Variants in ROPN1 observed in about 807,000 individuals in gnomAD.
ROPN1 encodes the protein ropporin-1A.
ROPN1 carries 14 observed loss-of-function variants against 20.5 expected under a neutral mutation model. The observed-to-expected ratio is 0.68, with a 90% confidence interval of 0.45 to 1.07. The LOEUF (loss-of-function observed/expected upper bound fraction) is 1.07, where lower values mean the gene tolerates loss of function less well. Among genes scored for constraint, ROPN1 ranks in the 50% least tolerant of loss-of-function variants. ROPN1 has a pLI of 0.00. For missense variants in ROPN1, 169 were observed against 242.8 expected, an observed-to-expected ratio of 0.70 and a Z score of 2.02; for synonymous variants, 76 against 95.7, an observed-to-expected ratio of 0.79 and a Z score of 1.20.
chr3:123,990,707 C>CGTATA (rs1354397405), intron 1 of ROPN1, among the ~76,000 whole-genome samples: 3 of 151,534 alleles, frequency 2.0e-5, no homozygotes, highest in Admixed American at 2.0e-4. Context: ...TTCAATTATA[C>CGTATA]ATTCCAGAGC....
chr3:123,980,003 C>T (rs1307050905), intron 2 of ROPN1: 1 of 482,670 alleles, frequency 2.1e-6, no homozygotes, highest in Non-Finnish European at 3.7e-6. Context: ...GCAGATTAAG[C>T]TTCGGAGATT....
chr3:123,981,752 C>T (rs1331533080), intron 1 of ROPN1, among the ~76,000 whole-genome samples: 1 of 152,064 alleles, frequency 6.6e-6, no homozygotes, highest in Non-Finnish European at 1.5e-5. Flanking sequence ...GACTTCATGA[C>T]CTTTTACTTT....
chr3:123,984,703 C>A (rs1487491892), intron 1 of ROPN1, among the ~76,000 whole-genome samples: 1 of 152,154 alleles, frequency 6.6e-6, no homozygotes, highest in Non-Finnish European at 1.5e-5. Flanking sequence ...TTCCGCTACT[C>A]TTTACCAACA....
chr3:123,976,989 A>G lies in ROPN1; in HGVS notation c.117-8T>C. The G allele has an allele frequency of 6.2e-7, 1 of 1,606,990 alleles. No individual in the cohort carries two copies. The highest frequency in any genetic ancestry group is 8.5e-7 in the Non-Finnish European group (1 of 1,176,876). On this transcript the variant is annotated splice_region_variant and splice_polypyrimidine_tract_variant and intron_variant, in intron 2 of 5. Transcript: ENST00000405845. ...GACAGGGCCTCAAAATAACTACAAG[A>G]AAAAAAGTCAGAGAGTAGGAGGATC...
intron 4 of ROPN1, among the ~76,000 whole-genome samples, chr3:123,971,731 C>A (rs1342258991): frequency 1.3e-5 from 2 of 152,054 alleles, no homozygotes; most frequent in African/African-American, 4.8e-5. Context: ...CACAGCTCAC[C>A]CTGTTTCTGT....
At chr3:123,988,965 A>G (rs1340670425) in intron 1 of ROPN1, among the ~76,000 whole-genome samples, 2 of 152,114 alleles carry the variant, frequency 1.3e-5, no homozygotes, top group Non-Finnish European at 2.9e-5. Flanking sequence ...TGCAGGTATT[A>G]GAAGGAGGTC....
chr3:123,978,739 C>T (rs2038074726), intron 2 of ROPN1: 1 of 152,500 alleles, frequency 6.6e-6, no homozygotes, highest in African/African-American at 2.4e-5. Context: ...AAGTAAGTCA[C>T]ATACAACCAT....
chr3:123,977,642 G>A (rs1234704782), intron 2 of ROPN1, among the ~76,000 whole-genome samples: 1 of 152,236 alleles, frequency 6.6e-6, no homozygotes, highest in Admixed American at 6.5e-5. Context: ...GCTTCAAGAG[G>A]GAAGGGAGAG....
chr3:123,987,521 A>G lies in ROPN1; in HGVS notation c.-13+4401T>C, dbSNP rs181904099. On this transcript the variant is annotated intron_variant, in intron 1 of 5. Transcript: ENST00000405845. ...TTCTTAACCACTCATGTTTTTACAT[A>G]ACTCTGAAAAACGTTTAATGGATCT... 6.3e-4 allele frequency among the ~76,000 whole-genome samples: 96 copies of G among 152,364 alleles called. 1 individual carries two copies. The East Asian group carries it at 0.01, about 16-fold the overall frequency.
chr3:123,978,821 T>C (rs541992025), intron 2 of ROPN1: 41 of 153,406 alleles, frequency 2.7e-4, no homozygotes, highest in Admixed American at 1.8e-3. Context: ...TTCATTGTGG[T>C]TAAACTACAA....
intron 1 of ROPN1, among the ~76,000 whole-genome samples, chr3:123,983,814 A>G (rs2148999522): frequency 6.6e-6 from 1 of 152,306 alleles, no homozygotes; most frequent in Middle Eastern, 3.4e-3. Context: ...ATTTTTCTCA[A>G]GTAATCCTCA....
chr3:123,989,349 T>C (rs1364305734), intron 1 of ROPN1, among the ~76,000 whole-genome samples: 2 of 152,184 alleles, frequency 1.3e-5, no homozygotes, highest in East Asian at 1.9e-4. Flanking sequence ...ACAATCAGTG[T>C]TAGCTTTAGG....
chr3:123,973,576 A>G (rs1271802274), intron 4 of ROPN1, among the ~76,000 whole-genome samples: 1 of 151,722 alleles, frequency 6.6e-6, no homozygotes, highest in Non-Finnish European at 1.5e-5. Context: ...GGTACATCAG[A>G]GGAAACCTAG....
At chr3:123,971,059 G>GAC (rs779633923) in intron 4 of ROPN1, among the ~76,000 whole-genome samples, 6 of 152,280 alleles carry the variant, frequency 3.9e-5, no homozygotes, top group Non-Finnish European at 5.9e-5. Context: ...GGATCATCCT[G>GAC]ACACTCTTCC....
At position 123,980,418 on chromosome 3, in the gene ROPN1, C is replaced by T. The variant is rs2038115421; in HGVS notation, c.64G>A (p.Ala22Thr). 6.2e-7 allele frequency: 1 copy of T among 1,614,178 alleles called. No individual in the cohort carries two copies. Among genetic ancestry groups the T allele is most frequent in the Non-Finnish European group, 8.5e-7 (1 of 1,180,012 alleles). ...GGCTGCACCCTAATGGCGGCTTTGG[C>T]AAACTCCTTCAGCATCTTCGGCAGC... ...PELPKMLKEF[A>T]KAAIRVQPQD... The change falls in exon 2 of 6, where the codon GCC becomes ACC. Residue 22 changes from alanine to threonine, a missense_variant. This residue lies in a region of ROPN1 where 84 missense variants were observed against 99.3 expected (regional missense o/e 0.85). Coordinates refer to ENST00000405845, the MANE Select transcript of ROPN1 (RefSeq NM_001317774.2).
At chr3:123,982,422 G>T (rs892479651) in intron 1 of ROPN1, among the ~76,000 whole-genome samples, 3 of 152,134 alleles carry the variant, frequency 2.0e-5, no homozygotes, top group Non-Finnish European at 4.4e-5. Context: ...CAGAATGGTG[G>T]TTACCCCTGG....
At chr3:123,977,128 C>G in intron 2 of ROPN1, 147 bp from the exon 3 acceptor site, 1 of 741,674 alleles carries the variant, frequency 1.3e-6, no homozygotes, top group Non-Finnish European at 2.2e-6. Context: ...GTGTTTAGTT[C>G]ACTTACATAT....
At chr3:123,972,067 G>A (rs2037929446) in intron 4 of ROPN1, among the ~76,000 whole-genome samples, 1 of 152,154 alleles carries the variant, frequency 6.6e-6, no homozygotes, top group Non-Finnish European at 1.5e-5. Context: ...AAGCAATCCT[G>A]CTGACAGCTT....
At chr3:123,976,281 C>T (rs2038020256) in intron 3 of ROPN1, among the ~76,000 whole-genome samples, 1 of 152,222 alleles carries the variant, frequency 6.6e-6, no homozygotes. Context: ...AGTCCTAAAT[C>T]ACCCCAAACC....
Sources: gnomAD v4.1 joint callset for allele counts (sites outside exome capture counted in the v4.1 genomes callset) on GRCh38, gnomAD v4.1.1 for gene constraint, gnomAD v4.1.1 regional missense constraint, MANE v1.5 for transcripts, NCBI Gene and HGNC (gene_info 2026-07-23, HGNC 2026-07-21) for gene names.